Variants in CSMD3 observed in about 807,000 individuals in gnomAD.
CSMD3 encodes the protein CUB and sushi domain-containing protein 3.
A neutral mutation model predicts 435.2 loss-of-function variants in CSMD3; 177 were observed. That is an observed-to-expected ratio of 0.41 (90% CI 0.36 to 0.46). CSMD3 has a LOEUF of 0.46. Ranked by LOEUF, CSMD3 falls within the 20% of genes least tolerant of loss-of-function variation. The pLI is 0.34. For missense variants in CSMD3, 4,265 were observed against 4,504.6 expected (o/e 0.95, Z 1.52); for synonymous variants, 1,656 against 1,520.5 (o/e 1.09, Z -2.07).
intron 2 of CSMD3, among the ~76,000 whole-genome samples, chr8:113,298,568 T>C (rs1291285093): frequency 6.6e-6 from 1 of 152,178 alleles, no homozygotes; most frequent in East Asian, 1.9e-4. Context: ...GTACTCATCA[T>C]TTAATGTAAT....
At chr8:113,054,965 C>A (rs2088254616) in intron 5 of CSMD3, among the ~76,000 whole-genome samples, 1 of 152,164 alleles carries the variant, frequency 6.6e-6, no homozygotes. Flanking sequence ...TCCCTGACTG[C>A]TACATTTAAA....
intron 13 of CSMD3, among the ~76,000 whole-genome samples, chr8:112,748,326 A>T (rs2077487795): frequency 6.6e-6 from 1 of 152,200 alleles, no homozygotes; most frequent in Admixed American, 6.5e-5. Flanking sequence ...ATCATAATAT[A>T]ACAAAACTTA....
At chr8:113,378,310 CAGT>C (rs1368583031) in intron 1 of CSMD3, among the ~76,000 whole-genome samples, 1 of 152,162 alleles carries the variant, frequency 6.6e-6, no homozygotes, top group Admixed American at 6.5e-5. Flanking sequence ...TCCTCAGTGT[CAGT>C]CCTGTGCCAA....
Position 112,975,824 on chromosome 8 carries a change from T to C in CSMD3, c.1342+13A>G, listed in dbSNP as rs1375204846. ...TGTAACTAAATGGGCACAAGTAAAA[T>C]AACATCCAATACCTCTATGAGTAAC... On this transcript the variant is annotated intron_variant, in intron 7 of 70. Transcript: ENST00000297405. 1 of 1,612,332 alleles carries C rather than the reference T, an allele frequency of 6.2e-7. No individual in the cohort carries two copies. The highest frequency in any genetic ancestry group is 1.3e-5 in the African/African-American group (1 of 74,874).
intron 1 of CSMD3, among the ~76,000 whole-genome samples, chr8:113,335,534 C>CTTTTTTTTTTTTTTT (rs1554614083): frequency 1.3e-5 from 1 of 76,472 alleles, no homozygotes; most frequent in African/African-American, 6.5e-5. Context: ...TCTCCTCCTC[C>CTTTTTTTTTTTTTTT]TTCTTTTTTT....
chr8:113,128,856 T>C (rs1337979551), intron 4 of CSMD3, among the ~76,000 whole-genome samples: 1 of 152,110 alleles, frequency 6.6e-6, no homozygotes, highest in East Asian at 1.9e-4. Flanking sequence ...GAATACAGTT[T>C]TTGAGGCATC....
intron 54 of CSMD3, among the ~76,000 whole-genome samples, chr8:112,295,070 A>T (rs764503114): frequency 3.9e-5 from 6 of 152,052 alleles, no homozygotes; most frequent in Non-Finnish European, 7.4e-5. Flanking sequence ...CTTTCTCCCT[A>T]GTCCCCAGAG....
intron 10 of CSMD3, among the ~76,000 whole-genome samples, chr8:112,867,482 C>T (rs2081016177): frequency 6.6e-6 from 1 of 152,054 alleles, no homozygotes; most frequent in African/African-American, 2.4e-5. Flanking sequence ...CATTATTAAA[C>T]ATCATAGAGT....
At chr8:113,384,367 G>A (rs988393765) in intron 1 of CSMD3, among the ~76,000 whole-genome samples, 1 of 152,126 alleles carries the variant, frequency 6.6e-6, no homozygotes, top group Non-Finnish European at 1.5e-5. Flanking sequence ...ATTTCTGATG[G>A]AAATCTATAT....
At chr8:112,509,531 A>G (rs1295496340) in intron 28 of CSMD3, among the ~76,000 whole-genome samples, 2 of 152,204 alleles carry the variant, frequency 1.3e-5, no homozygotes, top group African/African-American at 4.8e-5. Context: ...ATAATAATGA[A>G]GACTTTGCTG....
intron 12 of CSMD3, among the ~76,000 whole-genome samples, chr8:112,820,256 T>C (rs2079491394): frequency 1.3e-5 from 2 of 152,136 alleles, no homozygotes; most frequent in African/African-American, 2.4e-5. Context: ...CAAATGAGAA[T>C]GGATTAAACC....
intron 9 of CSMD3, among the ~76,000 whole-genome samples, chr8:112,924,858 T>G (rs942912326): frequency 6.6e-6 from 1 of 152,116 alleles, no homozygotes; most frequent in African/African-American, 2.4e-5. Flanking sequence ...TCTCGTCTGT[T>G]GTGATAAAGT....
At chr8:112,941,094 T>C (rs758837738) in intron 9 of CSMD3, among the ~76,000 whole-genome samples, 6 of 151,640 alleles carry the variant, frequency 4.0e-5, no homozygotes, top group Non-Finnish European at 8.9e-5. Flanking sequence ...AGAGAGTAAC[T>C]GATTGGAAAA....
chr8:112,698,508 A>AT (rs1280289446), intron 13 of CSMD3, among the ~76,000 whole-genome samples: 1 of 152,062 alleles, frequency 6.6e-6, no homozygotes, highest in African/African-American at 2.4e-5. Context: ...AGGGGAGCTG[A>AT]TTTTAGGGGA....
At chr8:113,416,080 A>G (rs948088253) in intron 1 of CSMD3, among the ~76,000 whole-genome samples, 4 of 152,026 alleles carry the variant, frequency 2.6e-5, no homozygotes, top group Non-Finnish European at 4.4e-5. Context: ...TTTCTTTTCT[A>G]TGTCCTTAGC....
Position 112,346,669 on chromosome 8 carries a change from C to CTTTTTTTTT in CSMD3, c.6326-465_6326-457dup, listed in dbSNP as rs1402415225. On this transcript the variant is annotated intron_variant, in intron 40 of 70. Transcript: ENST00000297405. ...ATTTTCACAGCCTTCCCTCCTTTTC[C>CTTTTTTTTT]TTTTTTTTTTTTTTTTTTTTTTTTT... Among the ~76,000 whole-genome samples the CTTTTTTTTT allele has an allele frequency of 1.9e-4, 21 of 111,850 alleles. 3 individuals are homozygous for CTTTTTTTTT. Among genetic ancestry groups the CTTTTTTTTT allele is most frequent in the African/African-American group, 3.5e-4 (8 of 22,808 alleles). 73.4% of individuals were successfully genotyped at this position (111,850 alleles called of 152,430 possible).
rs555302029 is a variant in CSMD3, at chr8:112,331,542, T to C, written c.7165+3787A>G. 1.3e-4 allele frequency among the ~76,000 whole-genome samples: 17 copies of C among 135,178 alleles called. No individual in the cohort carries two copies. In the East Asian group the frequency reaches 3.8e-3, roughly 30 times the overall value. 88.7% of individuals were successfully genotyped at this position (135,178 alleles called of 152,430 possible). On this transcript the variant is annotated intron_variant, in intron 45 of 70. Coordinates refer to ENST00000297405, the MANE Select transcript of CSMD3 (RefSeq NM_198123.2). ...GCTGCCTGGATCTTATAAAGGAAGT[T>C]AGGTTAGAGAAAAAAACATACATTT...
intron 7 of CSMD3, among the ~76,000 whole-genome samples, chr8:112,969,894 CAAAT>C (rs779590902): frequency 1.3e-5 from 2 of 151,886 alleles, no homozygotes; most frequent in African/African-American, 2.4e-5. Context: ...TAAAATATGA[CAAAT>C]AACTCCTTGA....
At chr8:112,728,120 G>A (rs1372276782) in intron 13 of CSMD3, among the ~76,000 whole-genome samples, 1 of 151,796 alleles carries the variant, frequency 6.6e-6, no homozygotes, top group African/African-American at 2.4e-5. Context: ...AGATTGTTGG[G>A]AAGAATTAAA....
Sources: gnomAD v4.1 joint callset for allele counts (sites outside exome capture counted in the v4.1 genomes callset) on GRCh38, gnomAD v4.1.1 for gene constraint, MANE v1.5 for transcripts, NCBI Gene and HGNC (gene_info 2026-07-23, HGNC 2026-07-21) for gene names.